The following PCDHA4 variants were observed in gnomAD, a reference collection of about 807,000 sequenced individuals.
PCDHA4 encodes protocadherin alpha-4.
A neutral mutation model predicts 61.4 loss-of-function variants in PCDHA4; 49 were observed. The observed-to-expected ratio is 0.80, with a 90% confidence interval of 0.63 to 1.01. The LOEUF (loss-of-function observed/expected upper bound fraction) is 1.01, where lower values mean the gene tolerates loss of function less well. PCDHA4 is among the 50% of genes least tolerant of loss of function. The pLI is 0.00. For missense variants in PCDHA4, 1,254 were observed against 1,235.8 expected (o/e 1.01, Z -0.22); for synonymous variants, 590 against 550.3 (o/e 1.07, Z -1.01).
chr5:140,892,172 G>A (rs2063414943), intron 1 of PCDHA4, among the ~76,000 whole-genome samples: 1 of 152,100 alleles, frequency 6.6e-6, no homozygotes, highest in African/African-American at 2.4e-5. Flanking sequence ...CAGTAACTGG[G>A]ATCCTCATGG....
chr5:140,873,441 TAAC>T (rs1439420468), intron 1 of PCDHA4, among the ~76,000 whole-genome samples: 3 of 152,200 alleles, frequency 2.0e-5, no homozygotes, highest in Non-Finnish European at 2.9e-5. Context: ...ATCACATAAA[TAAC>T]AAATTTGCAT....
chr5:140,993,530 AG>A (rs2097570679), intron 3 of PCDHA4, among the ~76,000 whole-genome samples: 7 of 152,044 alleles, frequency 4.6e-5, no homozygotes, highest in African/African-American at 1.7e-4. Context: ...AGACAGAGAG[AG>A]AGAGAGATAG....
At chr5:140,830,563 TTC>T (rs1554132929) in intron 1 of PCDHA4, 10 of 991,784 alleles carry the variant, frequency 1.0e-5, no homozygotes, top group African/African-American at 1.7e-5. Context: ...TCTTCTATAT[TTC>T]TGTTTTTAAT....
chr5:140,880,416 C>T lies in PCDHA4; in HGVS notation c.2385+70844C>T, dbSNP rs188503917. ...AAGAGCATATGGTTGACCTTAAAAG[C>T]GGGAACAGTTTTTCCTTACAACTAG... On this transcript the variant is annotated intron_variant, in intron 1 of 3. Coordinates refer to ENST00000530339, the MANE Select transcript of PCDHA4 (RefSeq NM_018907.4). Among the ~76,000 whole-genome samples, 429 of 152,140 alleles carry T rather than the reference C, an allele frequency of 2.8e-3. 2 individuals carry two copies. Among genetic ancestry groups the T allele is most frequent in the Middle Eastern group, 0.014 (4 of 294 alleles).
chr5:140,901,020 C>G (rs528406801), intron 1 of PCDHA4, among the ~76,000 whole-genome samples: 2 of 152,262 alleles, frequency 1.3e-5, no homozygotes, highest in African/African-American at 4.8e-5. Flanking sequence ...TGAGAAACAT[C>G]TATTCAACTC....
chr5:140,883,946 G>A, intron 1 of PCDHA4: 5 of 1,613,392 alleles, frequency 3.1e-6, no homozygotes, highest in Middle Eastern at 1.7e-4. Context: ...GGACGAGAAC[G>A]ACAACGCTCC....
In PCDHA4 at chr5:140,808,974, C is replaced by A. The variant is rs781991192; in HGVS notation, c.1787C>A (p.Ala596Glu). The change falls in exon 1 of 4, where the codon GCG becomes GAG. Residue 596 changes from alanine (A) to glutamate (E), a missense_variant. Transcript: ENST00000530339. ...GVGHVVAKVR[A>E]VDADSGYNAW... ...GGCCACGTGGTGGCAAAGGTGCGCGCGGTGGATGCTGACTCGGGCTACAAC... is the reference window on the plus strand; with the variant it reads ...GGCCACGTGGTGGCAAAGGTGCGCGAGGTGGATGCTGACTCGGGCTACAAC... 2 of 1,613,506 alleles carry A rather than the reference C, an allele frequency of 1.2e-6. No homozygotes were observed. Among genetic ancestry groups the A allele is most frequent in the African/African-American group, 1.3e-5 (1 of 74,920 alleles).
chr5:140,828,063 T>C (rs2150150500), intron 1 of PCDHA4: 2 of 1,558,310 alleles, frequency 1.3e-6, no homozygotes, highest in Admixed American at 2.0e-5. Context: ...GAAGATCTTC[T>C]AATGGAAATA....
chr5:140,843,231 TGGACGAAGC>T lies in PCDHA4; in HGVS notation c.2385+33664_2385+33672del. 1.8e-5 allele frequency: 29 copies of T among 1,596,108 alleles called. 2 individuals carry two copies. The highest frequency in any genetic ancestry group is 2.5e-5 in the Non-Finnish European group (29 of 1,165,604). The stretch of plus-strand genomic sequence containing the variant: ...GGCGAGATCAGCACCACTCGTGTCC[TGGACGAAGC>T]GGACTCTCCGCGCCACCGTCTGCTG... On this transcript the variant is annotated intron_variant, in intron 1 of 3. Transcript: ENST00000530339.
chr5:140,884,529 G>C lies in PCDHA4; in HGVS notation c.2385+74957G>C. On this transcript the variant is annotated intron_variant, in intron 1 of 3. Transcript: ENST00000530339. Reference sequence around the variant, plus strand: ...GGGAGTTGGTCGTACTCGCAGCAGAGGCGGCCGAGGGTGTGCTCTGGGGAG... The same window carrying C: ...GGGAGTTGGTCGTACTCGCAGCAGACGCGGCCGAGGGTGTGCTCTGGGGAG... 2.5e-6 allele frequency: 4 copies of C among 1,614,068 alleles called. No individual in the cohort carries two copies. Among genetic ancestry groups the C allele is most frequent in the Non-Finnish European group, 3.4e-6 (4 of 1,179,986 alleles).
chr5:140,875,695 C>T (rs782520558), intron 1 of PCDHA4: 4 of 1,613,962 alleles, frequency 2.5e-6, no homozygotes, highest in East Asian at 2.2e-5. Context: ...CGGGGACCTT[C>T]TGGAGGTAAA....
chr5:140,882,288 G>C (rs1554173426), intron 1 of PCDHA4: 2 of 1,613,210 alleles, frequency 1.2e-6, no homozygotes, highest in East Asian at 2.2e-5. Flanking sequence ...TCCTGGCAAG[G>C]AGGCCCAAGA....
At chr5:140,860,741 A>ATT (rs1466220052) in intron 1 of PCDHA4, 6 of 152,018 alleles carry the variant, frequency 3.9e-5, no homozygotes, top group African/African-American at 1.4e-4. Context: ...TTTGTTTTTT[A>ATT]TTTTTTATTT....
intron 1 of PCDHA4, among the ~76,000 whole-genome samples, chr5:140,921,417 A>C (rs1292321863): frequency 6.6e-6 from 1 of 152,210 alleles, no homozygotes; most frequent in Non-Finnish European, 1.5e-5. Flanking sequence ...TCTGTGCTGC[A>C]GACAAAAATT....
intron 3 of PCDHA4, among the ~76,000 whole-genome samples, 199 bp downstream of exon 3, chr5:140,982,762 TAAC>T (rs1210027762): frequency 6.6e-6 from 1 of 152,130 alleles, no homozygotes; most frequent in Non-Finnish European, 1.5e-5. Context: ...TGAAAAAGGA[TAAC>T]AAGGAAAGTG....
intron 1 of PCDHA4, chr5:140,829,789 G>A (rs1298804039): frequency 6.2e-7 from 1 of 1,613,836 alleles, no homozygotes; most frequent in African/African-American, 1.3e-5. Flanking sequence ...CGGCGCTGCT[G>A]GCGCCTCGGG....
chr5:140,904,098 A>G (rs184234910), intron 1 of PCDHA4, among the ~76,000 whole-genome samples: 35 of 152,296 alleles, frequency 2.3e-4, no homozygotes, highest in African/African-American at 7.9e-4. Context: ...TAACTACTTT[A>G]GTGGTCATTG....
At position 140,828,520 on chromosome 5, in the gene PCDHA4, C is replaced by T. The variant is rs2150156351; in HGVS notation, c.2385+18948C>T. On this transcript the variant is annotated intron_variant, in intron 1 of 3. Coordinates refer to ENST00000530339, the MANE Select transcript of PCDHA4 (RefSeq NM_018907.4). ...TAGAGGAACAAAGAGTGCTGATTTA[C>T]GAATCTAGGCTGCCAGATTCTGTGT... 3.1e-6 allele frequency: 5 copies of T among 1,614,196 alleles called. No individual in the cohort carries two copies. In the African/African-American group the frequency reaches 4.0e-5, roughly 13 times the overall value.
rs2150150778 is a variant in PCDHA4 at position 140,828,083 on chromosome 5, G to A, written c.2385+18511G>A. Reference sequence around the variant, plus strand: ...TCTTCTAATGGAAATAAAACCAGAGGTATTTGACATGGTGTTTACCCCGGA... The same window carrying A: ...TCTTCTAATGGAAATAAAACCAGAGATATTTGACATGGTGTTTACCCCGGA... On this transcript the variant is annotated intron_variant, in intron 1 of 3. Transcript: ENST00000530339. The A allele has an allele frequency of 5.0e-6, 8 of 1,588,704 alleles. No homozygotes were observed. In the Admixed American group the frequency reaches 7.1e-5, roughly 14 times the overall value.
Sources: allele counts gnomAD v4.1 joint callset (sites outside exome capture counted in the v4.1 genomes callset), GRCh38; gene constraint gnomAD v4.1.1; transcripts MANE v1.5; gene names NCBI Gene and HGNC (gene_info 2026-07-23, HGNC 2026-07-21).